MALRD1: variants seen among roughly 807,000 people sequenced by gnomAD.
MALRD1 encodes MAM and LDL-receptor class A domain-containing protein 1.
In MALRD1, 247 loss-of-function variants were observed where a neutral mutation model predicts 242.1. That is an observed-to-expected ratio of 1.02 (90% CI 0.92 to 1.13). The LOEUF is 1.13. MALRD1 is among the 50% of genes most tolerant of loss of function. MALRD1 has a pLI of 0.00. For missense variants in MALRD1, 2,989 were observed against 2,533.1 expected, an observed-to-expected ratio of 1.18 and a Z score of -3.86; for synonymous variants, 995 against 866.6, an observed-to-expected ratio of 1.15 and a Z score of -2.60.
chr10:19,524,118 A>C (rs1406706176), intron 31 of MALRD1, among the ~76,000 whole-genome samples: 1 of 152,192 alleles, frequency 6.6e-6, no homozygotes, highest in African/African-American at 2.4e-5. Context: ...TGTGTTTTCC[A>C]TTCTGACAAC....
At chr10:19,562,333 A>ATAGT (rs1206742514) in intron 32 of MALRD1, among the ~76,000 whole-genome samples, 2 of 142,784 alleles carry the variant, frequency 1.4e-5, no homozygotes, top group African/African-American at 5.6e-5. Flanking sequence ...AGATAGATAG[A>ATAGT]TAGATAGATA....
intron 28 of MALRD1, among the ~76,000 whole-genome samples, chr10:19,429,184 A>G (rs554001175): frequency 2.0e-5 from 3 of 152,316 alleles, no homozygotes; most frequent in Non-Finnish European, 2.9e-5. Flanking sequence ...TCACGTTACA[A>G]CTGAGGAAAA....
At chr10:19,630,540 G>A (rs1378287744) in intron 36 of MALRD1, among the ~76,000 whole-genome samples, 1 of 152,128 alleles carries the variant, frequency 6.6e-6, no homozygotes, top group Non-Finnish European at 1.5e-5. Context: ...GTTAGAATGA[G>A]AGTGTGTTTA....
At chr10:19,189,265 A>T (rs1235662026) in intron 14 of MALRD1, among the ~76,000 whole-genome samples, 1 of 152,146 alleles carries the variant, frequency 6.6e-6, no homozygotes, top group Non-Finnish European at 1.5e-5. Flanking sequence ...GCACAAAGAA[A>T]CAGAAAATCT....
At chr10:19,514,294 CAT>C (rs1833534253) in intron 31 of MALRD1, among the ~76,000 whole-genome samples, 1 of 152,164 alleles carries the variant, frequency 6.6e-6, no homozygotes, top group Non-Finnish European at 1.5e-5. Context: ...TTCTCAAACA[CAT>C]ATTAATAACA....
chr10:19,296,540 G>C (rs1387160589), intron 21 of MALRD1, among the ~76,000 whole-genome samples: 5 of 151,974 alleles, frequency 3.3e-5, no homozygotes, highest in African/African-American at 1.2e-4. Context: ...ATATTTTCTG[G>C]AGGTTTTATC....
chr10:19,113,964 T>C (rs1564400232), intron 5 of MALRD1, among the ~76,000 whole-genome samples: 1 of 152,324 alleles, frequency 6.6e-6, no homozygotes, highest in East Asian at 1.9e-4. Flanking sequence ...TAAATACAGA[T>C]TGACCAAATG....
chr10:19,645,853 A>G (rs758034505), intron 36 of MALRD1, among the ~76,000 whole-genome samples: 3 of 152,158 alleles, frequency 2.0e-5, no homozygotes, highest in Non-Finnish European at 4.4e-5. Context: ...CGTTGTGCAC[A>G]TGTACCCTAA....
At chr10:19,489,306 A>C in intron 29 of MALRD1, 1 of 514,466 alleles carries the variant, frequency 1.9e-6, no homozygotes, top group Non-Finnish European at 3.9e-6. Context: ...GCTAACCACG[A>C]AAGTAAAGAA....
intron 28 of MALRD1, among the ~76,000 whole-genome samples, chr10:19,436,725 G>A (rs1489342106): frequency 1.3e-5 from 2 of 152,022 alleles, no homozygotes; most frequent in Non-Finnish European, 2.9e-5. Context: ...GCATTGATTG[G>A]TCAGATTCTG....
At position 19,087,866 on chromosome 10, in the gene MALRD1, G is replaced by T; in HGVS notation, c.367G>T (p.Val123Leu). ...SAHFLSLVSR[V>L]DSISSSLRSR... is the part of the protein sequence containing the mutation. ...TCACTTCCTCTCACTGGTTTCCAGA[G>T]TGGATTCTATTTCCTCAAGTTTAAG... Residue 123 changes from valine to leucine, a missense_variant, in exon 3 of 40, where the codon GTG becomes TTG. Transcript: ENST00000454679. 1.6e-6 allele frequency: 2 copies of T among 1,233,090 alleles called. No individual in the cohort carries two copies. Among genetic ancestry groups the T allele is most frequent in the Non-Finnish European group, 2.0e-6 (2 of 987,664 alleles). 76.4% of individuals were successfully genotyped at this position (1,233,090 alleles called of 1,614,324 possible).
chr10:19,507,147 G>A (rs1275651363), intron 31 of MALRD1, among the ~76,000 whole-genome samples: 4 of 152,070 alleles, frequency 2.6e-5, no homozygotes, highest in Non-Finnish European at 4.4e-5. Context: ...AGAGAGCACC[G>A]AGCCATAAGG....
At chr10:19,610,916 T>C (rs1379943269) in intron 35 of MALRD1, among the ~76,000 whole-genome samples, 1 of 151,888 alleles carries the variant, frequency 6.6e-6, no homozygotes, top group African/African-American at 2.4e-5. Flanking sequence ...CCCTGACACA[T>C]AGCAGGCCTT....
In MALRD1 at chr10:19,125,321, CCT is replaced by C. The variant is rs1491527525; in HGVS notation, c.943+652_943+653del. On this transcript the variant is annotated intron_variant, in intron 7 of 39. Transcript: ENST00000454679. ...TCCTTCCTTCCTTCCTTCCTTCCTT[CCT>C]TCTTTCTTTCTTTCTTTCTTTCTTT... Among the ~76,000 whole-genome samples, 507 of 77,052 alleles carry C rather than the reference CCT, an allele frequency of 6.6e-3. 4 individuals carry two copies. The highest frequency in any genetic ancestry group is 6.7e-3 in the African/African-American group (119 of 17,732). The allele number at this position is 77,052 out of a possible 152,430, so 50.5% of individuals were successfully genotyped here.
At position 19,073,152 on chromosome 10, in the gene MALRD1, T is replaced by A. The variant is rs186346027; in HGVS notation, c.340+6293T>A. Among the ~76,000 whole-genome samples, 23 of 152,182 alleles carry A rather than the reference T, an allele frequency of 1.5e-4. 1 individual carries two copies. In the East Asian group the frequency reaches 4.5e-3, roughly 30 times the overall value. On this transcript the variant is annotated intron_variant, in intron 2 of 39. Coordinates refer to ENST00000454679, the MANE Select transcript of MALRD1 (RefSeq NM_001142308.3). Reference sequence around the variant, plus strand: ...CTGGTCTTGAACTCCTGACCTCAAGTGATCTGCCCACCTTGGCCTCCCGAA... The same window carrying A: ...CTGGTCTTGAACTCCTGACCTCAAGAGATCTGCCCACCTTGGCCTCCCGAA...
chr10:19,342,660 T>C (rs570694075), intron 24 of MALRD1, among the ~76,000 whole-genome samples: 193 of 152,242 alleles, frequency 1.3e-3, no homozygotes, highest in Middle Eastern at 3.4e-3. Context: ...TTATTAAGCA[T>C]GGACTGAGAA....
chr10:19,162,020 T>C (rs1196958747), intron 12 of MALRD1, among the ~76,000 whole-genome samples: 1 of 149,128 alleles, frequency 6.7e-6, no homozygotes, highest in Non-Finnish European at 1.5e-5. Context: ...AGAGTGAAAC[T>C]CTGTCTCAAG....
intron 29 of MALRD1, among the ~76,000 whole-genome samples, chr10:19,451,459 AT>A (rs1835322928): frequency 6.6e-6 from 1 of 152,150 alleles, no homozygotes; most frequent in Non-Finnish European, 1.5e-5. Context: ...TTATAAATAC[AT>A]TTGTACAATT....
intron 26 of MALRD1, among the ~76,000 whole-genome samples, chr10:19,383,947 G>C (rs980301018): frequency 6.4e-4 from 98 of 152,052 alleles, no homozygotes; most frequent in African/African-American, 2.3e-3. Flanking sequence ...GAAATGTATA[G>C]CATTTAAGTT....
Sources: gnomAD v4.1 joint callset for allele counts (sites outside exome capture counted in the v4.1 genomes callset) on GRCh38, gnomAD v4.1.1 for gene constraint, MANE v1.5 for transcripts, NCBI Gene and HGNC (gene_info 2026-07-23, HGNC 2026-07-21) for gene names.